RSF1: variants seen among roughly 807,000 people sequenced by gnomAD.
The protein encoded by RSF1 is HBV pX-associated protein 8.
Under a neutral mutation model 145.2 loss-of-function variants are expected in RSF1, and 13 were observed. The observed-to-expected ratio is 0.09, with a 90% CI of 0.06 to 0.14. RSF1 has a LOEUF of 0.14. Among genes scored for constraint, RSF1 ranks in the 10% least tolerant of loss-of-function variants. The probability of loss-of-function intolerance (pLI) is 1.00; values close to 1 mark genes in which losing one functional copy is unlikely to be tolerated. For missense variants in RSF1, 1,517 were observed against 1,718.2 expected, an observed-to-expected ratio of 0.88 and a Z score of 2.07; for synonymous variants, 577 against 592.6, an observed-to-expected ratio of 0.97 and a Z score of 0.38.
chr11:77,705,178 TATA>T (rs1960519333), intron 5 of RSF1, among the ~76,000 whole-genome samples: 1 of 152,178 alleles, frequency 6.6e-6, no homozygotes, highest in South Asian at 2.1e-4. Flanking sequence ...CTTTAAGCAC[TATA>T]ATAATTAGTA....
intron 1 of RSF1, among the ~76,000 whole-genome samples, chr11:77,814,630 C>A (rs558071836): frequency 6.6e-6 from 1 of 152,122 alleles, no homozygotes; most frequent in East Asian, 1.9e-4. Context: ...ATTTTTAGTA[C>A]AGATGGGGTT....
Position 77,700,800 on chromosome 11 carries a change from T to A in RSF1, c.2429A>T (p.Glu810Val), listed in dbSNP as rs150024260. Residue 810 changes from glutamate (E) to valine (V), a missense_variant, in exon 6 of 16, where the codon GAG becomes GTG. Physicochemically the swap from Glu to Val is moderately radical, Grantham distance 121 (BLOSUM62 -2). This residue lies in a region of RSF1 where 579 missense variants were observed against 553.5 expected (regional missense o/e 1.05). Transcript: ENST00000308488. ...RGEGEDEVEE[E>V]STALQKTDKK... is the part of the protein sequence containing the mutation. The stretch of plus-strand genomic sequence containing the variant: ...GTCAGTTTTTTGCAAAGCTGTTGAC[T>A]CTTCTTCCACCTCATCTTCTCCTTC... 2.9e-4 allele frequency: 475 copies of A among 1,611,192 alleles called. 2 individuals carry two copies. Among genetic ancestry groups the A allele is most frequent in the Middle Eastern group, 5.0e-4 (3 of 6,056 alleles).
chr11:77,741,199 G>A (rs767967239), intron 3 of RSF1, among the ~76,000 whole-genome samples: 1 of 152,060 alleles, frequency 6.6e-6, no homozygotes, highest in Non-Finnish European at 1.5e-5. Context: ...ATTTCAAAAG[G>A]AATGAGCCCG....
At chr11:77,735,000 C>A (rs547018877) in intron 4 of RSF1, 2 of 1,594,652 alleles carry the variant, frequency 1.3e-6, no homozygotes, top group South Asian at 1.1e-5. Context: ...AGTTCTGGCG[C>A]ACCTGTGAGG....
rs927884799 is a variant in RSF1 at position 77,661,388 on chromosome 11, C to T, written c.*5529G>A. ...TATGCTGTTAACAGCCAAATCTGGG[C>T]TACTGTAGCTGTTCTGATCCTGAAA... On this transcript the variant is annotated 3_prime_UTR_variant, in exon 16 of 16. Coordinates refer to ENST00000308488, the MANE Select transcript of RSF1 (RefSeq NM_016578.4). The T allele has an allele frequency of 1.3e-5, 2 of 151,878 alleles. No homozygotes were observed. The highest frequency in any genetic ancestry group is 4.8e-5 in the African/African-American group (2 of 41,362). The allele number at this position is 151,878 out of a possible 1,614,324, so 9.4% of individuals were successfully genotyped here.
chr11:77,799,473 C>T (rs957014076), intron 1 of RSF1, among the ~76,000 whole-genome samples: 1 of 143,426 alleles, frequency 7.0e-6, no homozygotes, highest in Non-Finnish European at 1.5e-5. Context: ...CTATGCACTT[C>T]AGCCTGGGTG....
the RSF1 span, among the ~76,000 whole-genome samples, chr11:77,831,694 CTTT>C: frequency 1.5e-5 from 2 of 135,984 alleles, no homozygotes; most frequent in South Asian, 2.4e-4. Flanking sequence ...ACTTAGGTAT[CTTT>C]TTTTTTTTTT....
At chr11:77,813,366 G>C in intron 1 of RSF1, 2 of 986,870 alleles carry the variant, frequency 2.0e-6, no homozygotes, top group South Asian at 1.3e-5. Context: ...GGCTCAAACT[G>C]ATGGAAGCAA....
intron 1 of RSF1, among the ~76,000 whole-genome samples, chr11:77,800,892 G>T (rs1214412178): frequency 1.3e-5 from 2 of 152,014 alleles, no homozygotes; most frequent in African/African-American, 4.8e-5. Flanking sequence ...TGCACCCTAA[G>T]TTCTCAGGAA....
In RSF1 at chr11:77,660,989, T is replaced by A. The variant is rs985907961; in HGVS notation, c.*5928A>T. On this transcript the variant is annotated 3_prime_UTR_variant, in exon 16 of 16. Coordinates refer to ENST00000308488, the MANE Select transcript of RSF1 (RefSeq NM_016578.4). The stretch of plus-strand genomic sequence containing the variant: ...TGGTAAAATGTGCCATGTAAAAGAC[T>A]GTGCTAGAATCAGAAGTTCTACAAG... The A allele has an allele frequency of 4.6e-5, 7 of 152,198 alleles. No homozygotes were observed. The highest frequency in any genetic ancestry group is 1.7e-4 in the African/African-American group (7 of 41,450). 9.4% of individuals were successfully genotyped at this position (152,198 alleles called of 1,614,324 possible).
intron 5 of RSF1, among the ~76,000 whole-genome samples, chr11:77,719,766 G>C (rs984282698): frequency 2.6e-5 from 4 of 152,108 alleles, no homozygotes; most frequent in African/African-American, 9.7e-5. Flanking sequence ...TGTGTAAAAA[G>C]GAATGAAGTA....
rs1350623722 is a variant in RSF1 at position 77,735,376 on chromosome 11, T to G, written c.578+5355A>C. On this transcript the variant is annotated intron_variant, in intron 4 of 15. Coordinates refer to ENST00000308488, the MANE Select transcript of RSF1 (RefSeq NM_016578.4). ...ATTATCCCTTTTTGGTGGATTCTCA[T>G]TTTTTAAAAATTCCATTTGATGTTT... Among the ~76,000 whole-genome samples the G allele has an allele frequency of 3.9e-5, 6 of 152,338 alleles. No homozygotes were observed. The East Asian group carries it at 7.7e-4, about 20-fold the overall frequency.
At chr11:77,776,742 G>A (rs1470185173) in intron 1 of RSF1, among the ~76,000 whole-genome samples, 1 of 152,122 alleles carries the variant, frequency 6.6e-6, no homozygotes, top group Admixed American at 6.6e-5. Flanking sequence ...TAGAGTATCT[G>A]AATAAAATGT....
intron 4 of RSF1, chr11:77,734,773 T>A (rs1268894703): frequency 2.5e-6 from 4 of 1,590,630 alleles, no homozygotes; most frequent in Non-Finnish European, 3.4e-6. Flanking sequence ...TTTTTTGATA[T>A]CCTGAAGGAA....
intron 1 of RSF1, among the ~76,000 whole-genome samples, chr11:77,771,069 A>G (rs942141972): frequency 1.3e-5 from 2 of 152,192 alleles, no homozygotes; most frequent in African/African-American, 2.4e-5. Flanking sequence ...AACTCAATTT[A>G]ACGATCATAG....
At chr11:77,687,525 G>A (rs1960042105) in intron 9 of RSF1, among the ~76,000 whole-genome samples, 2 of 151,922 alleles carry the variant, frequency 1.3e-5, no homozygotes, top group African/African-American at 4.8e-5. Flanking sequence ...GGCCAACATG[G>A]CAAAACCCCA....
rs541814539 is a variant in RSF1 at position 77,763,884 on chromosome 11, T to C, written c.279+714A>G. ...ACCTTTCTGGCATCAGGGACCAGTT[T>C]TGCGGAAGATAATTTGTCCACAGAC... On this transcript the variant is annotated intron_variant, in intron 2 of 15. Coordinates refer to ENST00000308488, the MANE Select transcript of RSF1 (RefSeq NM_016578.4). The C allele has an allele frequency of 7.9e-5, 12 of 152,202 alleles. No individual in the cohort carries two copies. In the South Asian group the frequency reaches 2.5e-3, roughly 32 times the overall value. 9.4% of individuals were successfully genotyped at this position (152,202 alleles called of 1,614,324 possible).
intron 1 of RSF1, chr11:77,813,213 T>A (rs1948747271): frequency 4.1e-6 from 2 of 482,892 alleles, no homozygotes; most frequent in Non-Finnish European, 3.7e-6. Context: ...TAAAACTTAC[T>A]TAATTCTGAG....
At position 77,820,679 on chromosome 11, in the gene RSF1, A is replaced by G. The variant is rs1446695085; in HGVS notation, c.36T>C (p.Ala12=). The change falls in exon 1 of 16, where the codon GCT becomes GCC. Residue 12 remains alanine, a synonymous_variant. Transcript: ENST00000308488. ...GGCACGAACCCGGGCAGCCCGGAGGAGCCATCACCGCCGCCGCTGCCGCCG... is the reference window on the plus strand; with the variant it reads ...GGCACGAACCCGGGCAGCCCGGAGGGGCCATCACCGCCGCCGCTGCCGCCG... ...ATAAAAAAVM[A]PPGCPGSCPN... The G allele has an allele frequency of 7.1e-6, 11 of 1,554,554 alleles. No homozygotes were observed. The East Asian group carries it at 1.9e-4, about 27-fold the overall frequency.
Sources: gnomAD v4.1 joint callset for allele counts (sites outside exome capture counted in the v4.1 genomes callset) on GRCh38, gnomAD v4.1.1 for gene constraint, gnomAD v4.1.1 regional missense constraint, MANE v1.5 for transcripts, NCBI Gene and HGNC (gene_info 2026-07-23, HGNC 2026-07-21) for gene names.